UCHL1: variants seen among roughly 807,000 people sequenced by gnomAD.
UCHL1 encodes the protein ubiquitin C-terminal hydrolase L1, also known as ubiquitin carboxyl-terminal hydrolase isozyme L1.
Under a neutral mutation model 33.3 loss-of-function variants are expected in UCHL1, and 5 were observed. The ratio of observed to expected loss-of-function variants is 0.15; its 90% CI spans 0.08 to 0.32. The LOEUF is 0.32. Ranked by LOEUF, UCHL1 falls within the 10% of genes least tolerant of loss-of-function variation. UCHL1 has a pLI of 1.00. For missense variants in UCHL1, 236 were observed against 280.0 expected, an observed-to-expected ratio of 0.84 and a Z score of 1.12; for synonymous variants, 132 against 108.8, an observed-to-expected ratio of 1.21 and a Z score of -1.33.
rs1432859588 is a variant in UCHL1 at position 41,257,879 on chromosome 4, T to G, written c.174+142T>G. The G allele has an allele frequency of 6.2e-6, 8 of 1,288,366 alleles. No individual in the cohort carries two copies. The African/African-American group carries it at 1.2e-4, about 20-fold the overall frequency. The allele number at this position is 1,288,366 out of a possible 1,614,324, so 79.8% of individuals were successfully genotyped here. ...ACAAGGAAGGGAGGAGCCTGCATTT[T>G]CGTGGTACCTACTCCCTGGGCTCCT... is the stretch of plus-strand genomic sequence containing the variant. On this transcript the variant is annotated intron_variant, in intron 3 of 8. Transcript: ENST00000284440.
chr4:41,265,839 T>C (rs1781143824), intron 8 of UCHL1, among the ~76,000 whole-genome samples: 1 of 152,162 alleles, frequency 6.6e-6, no homozygotes, highest in African/African-American at 2.4e-5. Context: ...GAATGAAGAA[T>C]AGACCTGGAG....
intron 7 of UCHL1, among the ~76,000 whole-genome samples, chr4:41,263,843 AAGGGTTGGGGCACAG>A (rs1781112000): frequency 6.6e-6 from 1 of 152,154 alleles, no homozygotes; most frequent in South Asian, 2.1e-4. Context: ...GGCCCTTTCC[AAGGGTTGGGGCACAG>A]GCCCCTCTAT....
intron 7 of UCHL1, 81 bp from the exon 8 acceptor site, chr4:41,264,022 A>G: frequency 6.3e-7 from 1 of 1,582,694 alleles, no homozygotes; most frequent in Non-Finnish European, 8.7e-7. Flanking sequence ...GGAAGAATCT[A>G]AAACTTCCAT....
chr4:41,257,007 G>A lies in UCHL1; in HGVS notation c.31G>A (p.Glu11Lys). The change falls in exon 1 of 9, where the codon GAG becomes AAG. Residue 11 changes from glutamate to lysine, a missense_variant and splice_region_variant. By Grantham distance (56) the Glu-to-Lys change is moderately conservative. Coordinates refer to ENST00000284440, the MANE Select transcript of UCHL1 (RefSeq NM_004181.5). ...GCTCAAGCCGATGGAGATCAACCCC[G>A]AGGTGAGCGCCAGGTGCACCGCTAC... MQLKPMEINP[E>K]MLNKVLSRLG... The A allele has an allele frequency of 6.2e-7, 1 of 1,614,210 alleles. No individual in the cohort carries two copies. Among genetic ancestry groups the A allele is most frequent in the Non-Finnish European group, 8.5e-7 (1 of 1,180,018 alleles).
chr4:41,258,111 C>T (rs1204105567), intron 3 of UCHL1, among the ~76,000 whole-genome samples: 1 of 152,182 alleles, frequency 6.6e-6, no homozygotes, highest in African/African-American at 2.4e-5. Context: ...CCTGTCAACT[C>T]ATTGTTTGCT....
chr4:41,258,484 T>C (rs1302118369), intron 3 of UCHL1, among the ~76,000 whole-genome samples: 1 of 152,152 alleles, frequency 6.6e-6, no homozygotes, highest in African/African-American at 2.4e-5. Context: ...GATAGATGTA[T>C]CTGAAAGACA....
chr4:41,262,049 A>T, intron 6 of UCHL1, 126 bp downstream of exon 6: 1 of 1,332,750 alleles, frequency 7.5e-7, no homozygotes, highest in East Asian at 2.5e-5. Context: ...GACACCAGAA[A>T]GTTCTACCCA....
intron 8 of UCHL1, among the ~76,000 whole-genome samples, chr4:41,264,653 C>T (rs1409544730): frequency 2.0e-5 from 3 of 152,106 alleles, no homozygotes. Context: ...TAAAATCCAC[C>T]TGACAAAAAC....
In UCHL1 at chr4:41,257,276, G is replaced by A. The variant is rs1036371039; in HGVS notation, c.45+150G>A. On this transcript the variant is annotated intron_variant, in intron 2 of 8. Transcript: ENST00000284440. ...GGGGCGTGGGCTGGGCGCCTTTCCT[G>A]GGCCCCTGCATTTAGCGGGTGACTC... 40 of 1,285,520 alleles carry A rather than the reference G, an allele frequency of 3.1e-5. No individual in the cohort carries two copies. The African/African-American group carries it at 4.5e-4, about 14-fold the overall frequency. 79.6% of individuals were successfully genotyped at this position (1,285,520 alleles called of 1,614,324 possible).
At chr4:41,264,477 T>A in intron 8 of UCHL1, 1 of 434,622 alleles carries the variant, frequency 2.3e-6, no homozygotes, top group South Asian at 2.1e-5. Context: ...TCAGATTACA[T>A]CATAGCTAAA....
At chr4:41,264,268 G>A (rs1781120301) in intron 8 of UCHL1, 107 bp downstream of exon 8, 1 of 1,415,120 alleles carries the variant, frequency 7.1e-7, no homozygotes, top group South Asian at 1.2e-5. Context: ...TCAGTTGCCT[G>A]GGTTAATAGC....
chr4:41,260,890 C>A, intron 4 of UCHL1, 93 bp downstream of exon 4: 1 of 1,541,592 alleles, frequency 6.5e-7, no homozygotes, highest in Non-Finnish European at 9.0e-7. Flanking sequence ...AGATGCTGTA[C>A]CTTTTGAAAC....
At chr4:41,261,833 A>G in intron 5 of UCHL1, 33 bp downstream of exon 5, 1 of 1,614,166 alleles carries the variant, frequency 6.2e-7, no homozygotes, top group Non-Finnish European at 8.5e-7. Context: ...GCCTTTAAAT[A>G]ACTCTAGAGA....
chr4:41,257,517 C>T, intron 2 of UCHL1, 92 bp from the exon 3 acceptor site: 1 of 1,364,802 alleles, frequency 7.3e-7, no homozygotes. Flanking sequence ...GGTGCGGGCG[C>T]GGAGGGCGCG....
Position 41,268,094 on chromosome 4 carries a change from G to A in UCHL1, c.*21G>A, listed in dbSNP as rs773158014. On this transcript the variant is annotated 3_prime_UTR_variant, in exon 9 of 9. Coordinates refer to ENST00000284440, the MANE Select transcript of UCHL1 (RefSeq NM_004181.5). ...CCTAATGCTCTGTGGGAGGGACTTTGCTGATTTCCCCTCTTCCCTTCAACA... is the reference window on the plus strand; with the variant it reads ...CCTAATGCTCTGTGGGAGGGACTTTACTGATTTCCCCTCTTCCCTTCAACA... 2 of 1,607,898 alleles carry A rather than the reference G, an allele frequency of 1.2e-6. No individual in the cohort carries two copies. Among genetic ancestry groups the A allele is most frequent in the Admixed American group, 1.7e-5 (1 of 59,674 alleles).
At position 41,261,772 on chromosome 4, in the gene UCHL1, A is replaced by G. The variant is rs376624356; in HGVS notation, c.383A>G (p.Asp128Gly). Reference sequence around the variant, plus strand: ...GAAACAGAGAAAATGTCCCCTGAAGACAGAGCAAAATGCTTTGAAAAGAAT... The same window carrying G: ...GAAACAGAGAAAATGTCCCCTGAAGGCAGAGCAAAATGCTTTGAAAAGAAT... ...LSETEKMSPE[D>G]RAKCFEKNEA... Residue 128 changes from aspartate to glycine, a missense_variant, in exon 5 of 9, where the codon GAC (aspartate) becomes GGC (glycine). Transcript: ENST00000284440. 2.7e-5 allele frequency: 43 copies of G among 1,614,020 alleles called. No individual in the cohort carries two copies. The African/African-American group carries it at 4.5e-4, about 17-fold the overall frequency.
In UCHL1 at chr4:41,264,923, C is replaced by T. The variant is rs192154661; in HGVS notation, c.585+762C>T. 1.2e-3 allele frequency among the ~76,000 whole-genome samples: 189 copies of T among 152,308 alleles called. 1 individual carries two copies. The highest frequency in any genetic ancestry group is 4.4e-3 in the African/African-American group (183 of 41,572). On this transcript the variant is annotated intron_variant, in intron 8 of 8. Transcript: ENST00000284440. Reference sequence around the variant, plus strand: ...GTAATAGTATAAAATCTTTGCAGAACTTACTGTGTGCAGACCAGGACTCAG... The same window carrying T: ...GTAATAGTATAAAATCTTTGCAGAATTTACTGTGTGCAGACCAGGACTCAG...
chr4:41,262,406 G>A (rs1316884173), intron 6 of UCHL1, among the ~76,000 whole-genome samples: 3 of 152,126 alleles, frequency 2.0e-5, no homozygotes, highest in Non-Finnish European at 2.9e-5. Context: ...AGACCATGTC[G>A]CTGCACTCCG....
chr4:41,265,067 A>C (rs915999773), intron 8 of UCHL1, among the ~76,000 whole-genome samples: 2 of 152,064 alleles, frequency 1.3e-5, no homozygotes, highest in Admixed American at 6.5e-5. Flanking sequence ...TCTCTAAATG[A>C]ATGTATGTAG....
Sources: gnomAD v4.1 joint callset for allele counts (sites outside exome capture counted in the v4.1 genomes callset) on GRCh38, gnomAD v4.1.1 for gene constraint, MANE v1.5 for transcripts, NCBI Gene and HGNC (gene_info 2026-07-23, HGNC 2026-07-21) for gene names.